The following LMNTD1 variants were observed in gnomAD, a reference collection of about 807,000 sequenced individuals.
LMNTD1 encodes the protein lamin tail domain containing 1, also known as lamin tail domain-containing protein 1.
In LMNTD1, 35 loss-of-function variants were observed where a neutral mutation model predicts 50.9. The ratio of observed to expected loss-of-function variants is 0.69; its 90% CI spans 0.53 to 0.91. The LOEUF (loss-of-function observed/expected upper bound fraction) is 0.91, where lower values mean the gene tolerates loss of function less well. Among genes scored for constraint, LMNTD1 ranks in the 40% least tolerant of loss-of-function variants. The pLI is 0.00. For synonymous variants in LMNTD1, 153 were observed against 161.9 expected (o/e 0.94, Z 0.42); for missense variants, 470 against 475.5 (o/e 0.99, Z 0.11).
At chr12:25,519,489 A>G (rs1274000684) in intron 7 of LMNTD1, among the ~76,000 whole-genome samples, 4 of 151,064 alleles carry the variant, frequency 2.6e-5, no homozygotes, top group Non-Finnish European at 4.4e-5. Context: ...TCATGAGGCT[A>G]AGGCAGCAGA....
chr12:25,581,148 T>C (rs908199486), intron 1 of LMNTD1, among the ~76,000 whole-genome samples: 1 of 152,170 alleles, frequency 6.6e-6, no homozygotes, highest in African/African-American at 2.4e-5. Flanking sequence ...CACAATGGAC[T>C]GCATGCCTAT....
intron 1 of LMNTD1, among the ~76,000 whole-genome samples, chr12:25,603,085 C>T (rs1592093814): frequency 6.6e-6 from 1 of 152,142 alleles, no homozygotes; most frequent in African/African-American, 2.4e-5. Context: ...TGTTCCCCCT[C>T]TTAAGTCTTG....
At chr12:25,526,682 C>G (rs755963491) in intron 5 of LMNTD1, 87 bp downstream of exon 5, 2 of 866,568 alleles carry the variant, frequency 2.3e-6, no homozygotes, top group African/African-American at 1.7e-5. Context: ...AGAGTGATAA[C>G]GAGACAGTGC....
chr12:25,596,447 C>T (rs1945847556), intron 1 of LMNTD1, among the ~76,000 whole-genome samples: 1 of 151,936 alleles, frequency 6.6e-6, no homozygotes, highest in Non-Finnish European at 1.5e-5. Flanking sequence ...ATATGATACA[C>T]CACATAAACA....
intron 1 of LMNTD1, among the ~76,000 whole-genome samples, chr12:25,609,237 G>C (rs577172283): frequency 6.6e-6 from 1 of 152,162 alleles, no homozygotes; most frequent in South Asian, 2.1e-4. Flanking sequence ...CTTTTTTCAA[G>C]GTTTTTAGCT....
At chr12:25,511,746 G>T (rs530342749) in intron 8 of LMNTD1, among the ~76,000 whole-genome samples, 40 of 152,276 alleles carry the variant, frequency 2.6e-4, no homozygotes, top group African/African-American at 8.9e-4. Flanking sequence ...ACATGGTGGT[G>T]TACAAATACC....
intron 5 of LMNTD1, 34 bp from the exon 6 acceptor site, chr12:25,526,252 G>C: frequency 6.3e-7 from 1 of 1,596,356 alleles, no homozygotes; most frequent in Non-Finnish European, 8.5e-7. Flanking sequence ...AATGCCACTG[G>C]AGTTGAACAC....
intron 1 of LMNTD1, among the ~76,000 whole-genome samples, chr12:25,617,834 T>C (rs568720817): frequency 1.1e-4 from 16 of 152,178 alleles, no homozygotes; most frequent in African/African-American, 3.6e-4. Context: ...TTATTCTTCT[T>C]GCATGAGGCA....
intron 9 of LMNTD1, among the ~76,000 whole-genome samples, chr12:25,502,733 G>C (rs1308536815): frequency 1.3e-5 from 2 of 152,172 alleles, no homozygotes; most frequent in Non-Finnish European, 2.9e-5. Flanking sequence ...GGCAGTTCAA[G>C]GATATGATGC....
At chr12:25,580,584 A>G (rs1945242815) in intron 1 of LMNTD1, among the ~76,000 whole-genome samples, 1 of 152,200 alleles carries the variant, frequency 6.6e-6, no homozygotes, top group African/African-American at 2.4e-5. Context: ...CAAAATATAG[A>G]CAGTCTTTAT....
At chr12:25,480,754 G>A (rs1019158396) in intron 9 of LMNTD1, among the ~76,000 whole-genome samples, 1 of 152,092 alleles carries the variant, frequency 6.6e-6, no homozygotes, top group African/African-American at 2.4e-5. Flanking sequence ...ATTTTCAGAT[G>A]CATATGTCTT....
intron 9 of LMNTD1, among the ~76,000 whole-genome samples, chr12:25,479,198 T>G (rs902768969): frequency 6.6e-6 from 1 of 152,198 alleles, no homozygotes; most frequent in South Asian, 2.1e-4. Context: ...TCCAGTTTAA[T>G]GGAATCGCTG....
At chr12:25,549,652 G>A (rs1291560999) in intron 2 of LMNTD1, 106 bp from the exon 3 acceptor site, 12 of 531,278 alleles carry the variant, frequency 2.3e-5, no homozygotes, top group Admixed American at 2.2e-4. Flanking sequence ...GCTTTTCAAA[G>A]GTAATATGCA....
At chr12:25,557,827 ATT>A (rs1446716554), upstream of LMNTD1, among the ~76,000 whole-genome samples, 19 of 152,220 alleles carry the variant, frequency 1.2e-4, no homozygotes, top group African/African-American at 4.6e-4. Flanking sequence ...ATTGATATAA[ATT>A]TGCAGTTTCA....
chr12:25,600,970 A>T lies in LMNTD1; in HGVS notation c.58+47524T>A, dbSNP rs150586209. On this transcript the variant is annotated intron_variant, in intron 1 of 7. Coordinates refer to the LMNTD1 transcript ENST00000445693. ...TGAGTATAAGCCCAAAAGAAAGGAA[A>T]TCAGTATATCAAGGAGATATCTGCA... Among the ~76,000 whole-genome samples the T allele has an allele frequency of 3.3e-3, 508 of 152,132 alleles. 9 individuals carry two copies. Among genetic ancestry groups the T allele is most frequent in the Admixed American group, 0.028 (433 of 15,258 alleles).
At chr12:25,537,423 C>T (rs1942687167) in intron 4 of LMNTD1, among the ~76,000 whole-genome samples, 2 of 152,186 alleles carry the variant, frequency 1.3e-5, no homozygotes, top group Admixed American at 6.5e-5. Context: ...CCCCTGACCC[C>T]CAAGCAGCCT....
chr12:25,637,126 A>G (rs1050642399), intron 1 of LMNTD1, among the ~76,000 whole-genome samples: 1 of 152,194 alleles, frequency 6.6e-6, no homozygotes, highest in Non-Finnish European at 1.5e-5. Context: ...CTGTACCTCA[A>G]TAACTAATGT....
intron 1 of LMNTD1, among the ~76,000 whole-genome samples, chr12:25,623,549 G>A: frequency 1.5e-5 from 1 of 64,632 alleles, no homozygotes; most frequent in African/African-American, 6.8e-5. Flanking sequence ...GCAAGACTCT[G>A]TCTCAAAAAA....
intron 1 of LMNTD1, among the ~76,000 whole-genome samples, chr12:25,645,344 G>A (rs1947045556): frequency 6.6e-6 from 1 of 152,210 alleles, no homozygotes; most frequent in Admixed American, 6.5e-5. Flanking sequence ...AGCATCAATG[G>A]ACTAGAGGTT....
Sources: allele counts gnomAD v4.1 joint callset (sites outside exome capture counted in the v4.1 genomes callset), GRCh38; gene constraint gnomAD v4.1.1; transcripts MANE v1.5; gene names NCBI Gene and HGNC (gene_info 2026-07-23, HGNC 2026-07-21).